Variants in TUBGCP2 observed in about 807,000 individuals in gnomAD.
TUBGCP2 encodes tubulin gamma complex component 2, also known as gamma-tubulin complex component 2.
A neutral mutation model predicts 92.2 loss-of-function variants in TUBGCP2; 55 were observed. The ratio of observed to expected loss-of-function variants is 0.60; its 90% CI spans 0.48 to 0.75. The LOEUF (loss-of-function observed/expected upper bound fraction) is 0.75, where lower values mean the gene tolerates loss of function less well. Among genes scored for constraint, TUBGCP2 ranks in the 30% least tolerant of loss-of-function variants. The pLI, the probability that TUBGCP2 is intolerant of heterozygous loss-of-function variation, is 0.00. For missense variants in TUBGCP2, 1,093 were observed against 1,188.9 expected (o/e 0.92, Z 1.19); for synonymous variants, 533 against 505.2 (o/e 1.06, Z -0.74).
intron 2 of TUBGCP2, among the ~76,000 whole-genome samples, chr10:133,301,162 C>G (rs1564773160): frequency 1.3e-5 from 2 of 152,306 alleles, no homozygotes; most frequent in East Asian, 3.9e-4. Flanking sequence ...GAGTTTCGCT[C>G]TTGTTGCCCA....
At chr10:133,284,258 G>C (rs1353554194) in intron 13 of TUBGCP2, among the ~76,000 whole-genome samples, 1 of 152,262 alleles carries the variant, frequency 6.6e-6, no homozygotes, top group Non-Finnish European at 1.5e-5. Context: ...TGGAGACTGG[G>C]ACGCGGGCTC....
rs1296666011 is a variant in TUBGCP2, at chr10:133,281,259, T to A, written c.2573+14A>T. On this transcript the variant is annotated intron_variant, in intron 17 of 17. Transcript: ENST00000252936. Reference sequence around the variant, plus strand: ...GAGCTGAGGAAGGGCTGAGCCGGGGTGGCGCCCACCCACCTGGAGATGACG... The same window carrying A: ...GAGCTGAGGAAGGGCTGAGCCGGGGAGGCGCCCACCCACCTGGAGATGACG... The A allele has an allele frequency of 6.2e-7, 1 of 1,607,046 alleles. No individual in the cohort carries two copies. The highest frequency in any genetic ancestry group is 8.5e-7 in the Non-Finnish European group (1 of 1,179,210).
In TUBGCP2 at chr10:133,299,982, T is replaced by C; in HGVS notation, c.279+3A>G. The C allele has an allele frequency of 6.2e-7, 1 of 1,613,822 alleles. No individual in the cohort carries two copies. Among genetic ancestry groups the C allele is most frequent in the East Asian group, 2.2e-5 (1 of 44,874 alleles). ...CAGTGTGGCACGTGGCATGGGCACCTACCTCTTTGTCTTCCGTGAGCTTTG... is the reference window on the plus strand; with the variant it reads ...CAGTGTGGCACGTGGCATGGGCACCCACCTCTTTGTCTTCCGTGAGCTTTG... On this transcript the variant is annotated splice_donor_region_variant and intron_variant, in intron 3 of 17. Coordinates refer to ENST00000252936, the MANE Select transcript of TUBGCP2 (RefSeq NM_006659.4).
intron 8 of TUBGCP2, among the ~76,000 whole-genome samples, chr10:133,292,050 TCCC>T (rs1415876991): frequency 2.3e-4 from 2 of 8,654 alleles, no homozygotes; most frequent in Non-Finnish European, 2.8e-4. Context: ...TCCCTCCGTG[TCCC>T]CCATGTCCCT....
In TUBGCP2 at chr10:133,298,202, G is replaced by A. The variant is rs374461856; in HGVS notation, c.457-91C>T. 18 of 1,380,094 alleles carry A rather than the reference G, an allele frequency of 1.3e-5. No homozygotes were observed. In the East Asian group the frequency reaches 2.7e-4, roughly 20 times the overall value. 85.5% of individuals were successfully genotyped at this position (1,380,094 alleles called of 1,614,324 possible). On this transcript the variant is annotated intron_variant, in intron 4 of 17. Coordinates refer to ENST00000252936, the MANE Select transcript of TUBGCP2 (RefSeq NM_006659.4). ...ACATGCATAGAAGCTAGCATCTACG[G>A]CAAAGATGATTACTCAATTCAACAC...
At position 133,299,407 on chromosome 10, in the gene TUBGCP2, G is replaced by A. The variant is rs774356316; in HGVS notation, c.456+20C>T. On this transcript the variant is annotated intron_variant, in intron 4 of 17. Coordinates refer to ENST00000252936, the MANE Select transcript of TUBGCP2 (RefSeq NM_006659.4). ...GACCTGCTGCAGCATGGAGCCTGTGGACAGCCATGGACGCAGTACCTGCTG... is the reference window on the plus strand; with the variant it reads ...GACCTGCTGCAGCATGGAGCCTGTGAACAGCCATGGACGCAGTACCTGCTG... The A allele has an allele frequency of 1.3e-6, 2 of 1,555,484 alleles. No individual in the cohort carries two copies. Among genetic ancestry groups the A allele is most frequent in the South Asian group, 2.3e-5 (2 of 86,154 alleles).
At chr10:133,288,572 C>G (rs1442969007) in intron 10 of TUBGCP2, among the ~76,000 whole-genome samples, 1 of 152,256 alleles carries the variant, frequency 6.6e-6, no homozygotes, top group South Asian at 2.1e-4. Flanking sequence ...TGTGCAACCA[C>G]CACGCAAGCT....
chr10:133,282,434 G>A (rs1267390806), intron 15 of TUBGCP2, 92 bp from the exon 16 acceptor site: 3 of 1,471,432 alleles, frequency 2.0e-6, no homozygotes, highest in East Asian at 2.4e-5. Flanking sequence ...GTCACCCTCC[G>A]CACCTCTGTT....
At chr10:133,304,275 G>T (rs1226778026) in intron 1 of TUBGCP2, among the ~76,000 whole-genome samples, 1 of 152,176 alleles carries the variant, frequency 6.6e-6, no homozygotes, top group Non-Finnish European at 1.5e-5. Context: ...GGGCGACAGA[G>T]GGAGACCCTG....
At chr10:133,297,128 G>C (rs573112264) in intron 5 of TUBGCP2, among the ~76,000 whole-genome samples, 1 of 152,312 alleles carries the variant, frequency 6.6e-6, no homozygotes, top group South Asian at 2.1e-4. Context: ...TTGACTAGGC[G>C]TGGTGGCTCA....
chr10:133,312,254 C>T (rs923378291), upstream of TUBGCP2: 84 of 1,331,736 alleles, frequency 6.3e-5, no homozygotes, highest in African/African-American at 1.0e-4. Context: ...TGACCTGTGC[C>T]GTCTGCCTTT....
chr10:133,284,065 T>A (rs1046314884), intron 13 of TUBGCP2, 63 bp from the exon 14 acceptor site: 1 of 1,588,432 alleles, frequency 6.3e-7, no homozygotes, highest in African/African-American at 1.3e-5. Flanking sequence ...GCCCACCAAG[T>A]GACACGGAGG....
At chr10:133,280,115 A>T (rs879225960) in intron 17 of TUBGCP2, among the ~76,000 whole-genome samples, 1 of 152,324 alleles carries the variant, frequency 6.6e-6, no homozygotes, top group South Asian at 2.1e-4. Flanking sequence ...GGAAGTGTTC[A>T]GCTACAGAGA....
chr10:133,302,541 A>G (rs1847695354), intron 2 of TUBGCP2: 1 of 472,446 alleles, frequency 2.1e-6, no homozygotes, highest in Non-Finnish European at 3.8e-6. Context: ...GACGACGCTC[A>G]TCCTGCACAT....
intron 1 of TUBGCP2, among the ~76,000 whole-genome samples, chr10:133,303,757 C>CA (rs759249118): frequency 2.0e-5 from 3 of 152,226 alleles, no homozygotes; most frequent in Non-Finnish European, 2.9e-5. Flanking sequence ...TGGCTACCGA[C>CA]AGAGACGCTT....
chr10:133,279,969 G>T, intron 17 of TUBGCP2, 68 bp from the exon 18 acceptor site: 1 of 1,564,828 alleles, frequency 6.4e-7, no homozygotes, highest in East Asian at 2.4e-5. Context: ...CAGCAGGGGT[G>T]TGGAAGGACG....
At position 133,285,275 on chromosome 10, in the gene TUBGCP2, C is replaced by T. The variant is rs568639729; in HGVS notation, c.1896-62G>A. On this transcript the variant is annotated intron_variant, in intron 12 of 17. Transcript: ENST00000252936. This position sits in a 1 kb window ranked among gnomAD's most constrained non-coding sequence, Gnocchi z 6.8. ...GTGACCGGCGGCGTCGTGGACACGGCGTCTGTACTCCACAGTCCGCACCGT... is the reference window on the plus strand; with the variant it reads ...GTGACCGGCGGCGTCGTGGACACGGTGTCTGTACTCCACAGTCCGCACCGT... 33 of 1,604,446 alleles carry T rather than the reference C, an allele frequency of 2.1e-5. No homozygotes were observed. The East Asian group carries it at 2.5e-4, about 12-fold the overall frequency.
chr10:133,292,493 C>A lies in TUBGCP2; in HGVS notation c.1214+6G>T, dbSNP rs1210992781. 2 of 1,609,032 alleles carry A rather than the reference C, an allele frequency of 1.2e-6. No homozygotes were observed. The highest frequency in any genetic ancestry group is 1.7e-6 in the Non-Finnish European group (2 of 1,177,952). On this transcript the variant is annotated splice_donor_region_variant and intron_variant, in intron 8 of 17. Transcript: ENST00000252936. ...CTCCGTGTCCCCGTGTCCCGGGGAG[C>A]CCTACCTGTATGGGTCGTGGATGAT...
intron 5 of TUBGCP2, among the ~76,000 whole-genome samples, chr10:133,296,922 C>T (rs774148438): frequency 1.3e-5 from 2 of 152,312 alleles, no homozygotes; most frequent in African/African-American, 2.4e-5. Context: ...GTGGATTTCA[C>T]GTCACCGTTC....
Sources: allele counts gnomAD v4.1 joint callset (sites outside exome capture counted in the v4.1 genomes callset), GRCh38; gene constraint gnomAD v4.1.1; non-coding constraint Gnocchi (gnomAD v3.1); transcripts MANE v1.5; gene names NCBI Gene and HGNC (gene_info 2026-07-23, HGNC 2026-07-21).